R3HDM1: variants seen among roughly 807,000 people sequenced by gnomAD.
R3HDM1 encodes the protein R3H domain containing 1, also known as R3H domain-containing protein 1.
R3HDM1 carries 46 observed loss-of-function variants against 141.1 expected under a neutral mutation model. That is an observed-to-expected ratio of 0.33 (90% CI 0.26 to 0.42). R3HDM1 has a LOEUF of 0.42. R3HDM1 is among the 10% of genes least tolerant of loss of function. R3HDM1 has a pLI of 1.00. For missense variants in R3HDM1, 1,184 were observed against 1,368.3 expected (o/e 0.87, Z 2.12); for synonymous variants, 435 against 472.9 (o/e 0.92, Z 1.04).
chr2:135,686,196 A>G (rs943391384), intron 21 of R3HDM1, among the ~76,000 whole-genome samples: 3 of 152,222 alleles, frequency 2.0e-5, no homozygotes, highest in Non-Finnish European at 4.4e-5. Context: ...TGTGGAAAAA[A>G]GGGAACCCTT....
intron 6 of R3HDM1, chr2:135,621,898 G>A: frequency 1.0e-6 from 1 of 977,148 alleles, no homozygotes; most frequent in Non-Finnish European, 1.2e-6. Context: ...TTTTTATATT[G>A]ATTCATCTAA....
intron 20 of R3HDM1, among the ~76,000 whole-genome samples, chr2:135,679,066 CTT>C (rs141175748): frequency 0.097 from 6,847 of 70,516 alleles, 370 homozygotes; most frequent in African/African-American, 0.18. Flanking sequence ...GCCCGGCTTT[CTT>C]TTTTTTTTTT....
chr2:135,638,875 G>A (rs770879803), intron 13 of R3HDM1, 21 bp from the exon 14 acceptor site: 8 of 1,612,272 alleles, frequency 5.0e-6, no homozygotes, highest in African/African-American at 1.3e-5. Flanking sequence ...AGCTTTTCAA[G>A]GTTTTATTTC....
intron 1 of R3HDM1, among the ~76,000 whole-genome samples, chr2:135,563,660 A>G (rs961966417): frequency 2.0e-5 from 3 of 152,216 alleles, no homozygotes; most frequent in African/African-American, 7.2e-5. Context: ...GAATACGTTT[A>G]TAATCCTGTT....
chr2:135,585,785 A>T (rs1707770106), intron 1 of R3HDM1, among the ~76,000 whole-genome samples: 1 of 152,190 alleles, frequency 6.6e-6, no homozygotes, highest in Non-Finnish European at 1.5e-5. Context: ...TGCTATCTCC[A>T]TCTGTTGGTA....
intron 7 of R3HDM1, among the ~76,000 whole-genome samples, chr2:135,623,711 A>C (rs1019553259): frequency 5.9e-5 from 9 of 152,012 alleles, no homozygotes; most frequent in African/African-American, 2.2e-4. Context: ...TTATGAGTCT[A>C]TTGAACAGCT....
chr2:135,667,316 CTTTCCTCTGAAAGTGCTGAA>C, intron 19 of R3HDM1: 1 of 781,918 alleles, frequency 1.3e-6, no homozygotes. Flanking sequence ...ATTGATTGTG[CTTTCCTCTGAAAGTGCTGAA>C]AGAAATGGGA....
In R3HDM1 at chr2:135,621,619, C is replaced by G. The variant is rs1186926219; in HGVS notation, c.418+11C>G. Reference sequence around the variant, plus strand: ...AAATGTTATCAAGAGGTTTGCAGTTCTTTTGTTTTTTTTTAAAAAAAAATT... The same window carrying G: ...AAATGTTATCAAGAGGTTTGCAGTTGTTTTGTTTTTTTTTAAAAAAAAATT... On this transcript the variant is annotated intron_variant, in intron 6 of 26. Transcript: ENST00000683871. 3 of 1,525,328 alleles carry G rather than the reference C, an allele frequency of 2.0e-6. No individual in the cohort carries two copies. Among genetic ancestry groups the G allele is most frequent in the Non-Finnish European group, 2.6e-6 (3 of 1,146,460 alleles). 94.5% of individuals were successfully genotyped at this position (1,525,328 alleles called of 1,614,324 possible).
At chr2:135,670,440 T>G (rs554534360) in intron 19 of R3HDM1, 1 of 939,764 alleles carries the variant, frequency 1.1e-6, no homozygotes, top group Admixed American at 6.2e-5. Flanking sequence ...AAATATGTTT[T>G]GAAGAAAATT....
intron 25 of R3HDM1, 29 bp downstream of exon 25, chr2:135,722,035 T>C: frequency 6.3e-7 from 1 of 1,586,444 alleles, no homozygotes; most frequent in Non-Finnish European, 8.7e-7. Flanking sequence ...CTCCTAGGCT[T>C]TGTTGCAGAA....
At chr2:135,648,674 G>A (rs147757933) in intron 16 of R3HDM1, among the ~76,000 whole-genome samples, 139 of 150,880 alleles carry the variant, frequency 9.2e-4, no homozygotes, top group African/African-American at 2.7e-3. Flanking sequence ...GTATATTACC[G>A]TTTTTGTAAT....
chr2:135,670,927 C>T (rs760467317), intron 19 of R3HDM1, among the ~76,000 whole-genome samples: 13 of 151,672 alleles, frequency 8.6e-5, no homozygotes, highest in Non-Finnish European at 1.8e-4. Context: ...GGTGAGGTGG[C>T]GCGCACCTGC....
At chr2:135,690,175 C>T (rs2072108279) in intron 21 of R3HDM1, among the ~76,000 whole-genome samples, 1 of 151,876 alleles carries the variant, frequency 6.6e-6, no homozygotes, top group African/African-American at 2.4e-5. Flanking sequence ...CCCTTTTGTC[C>T]TACTTGTGAT....
At chr2:135,541,664 C>G (rs2104896931) in intron 1 of R3HDM1, among the ~76,000 whole-genome samples, 1 of 151,828 alleles carries the variant, frequency 6.6e-6, no homozygotes, top group South Asian at 2.1e-4. Flanking sequence ...TTTGTGGTCC[C>G]CTAAAACAAT....
intron 7 of R3HDM1, among the ~76,000 whole-genome samples, chr2:135,629,241 G>A (rs907884926): frequency 2.0e-5 from 3 of 152,124 alleles, no homozygotes; most frequent in East Asian, 2.0e-4. Flanking sequence ...GCTTGAACCC[G>A]GGAGGCAGAG....
intron 21 of R3HDM1, among the ~76,000 whole-genome samples, chr2:135,699,097 A>AGATAGATAGATAGATG (rs1357053475): frequency 1.3e-5 from 2 of 151,738 alleles, no homozygotes; most frequent in African/African-American, 2.4e-5. Context: ...ATAGATAGAT[A>AGATAGATAGATAGATG]GATAGATTAG....
chr2:135,714,792 G>C (rs62168839), intron 23 of R3HDM1, among the ~76,000 whole-genome samples: 22 of 133,708 alleles, frequency 1.6e-4, no homozygotes, highest in Admixed American at 6.0e-4. Context: ...CACACACACA[G>C]AGAAAGCAGT....
chr2:135,718,560 A>G (rs1481122479), intron 24 of R3HDM1, among the ~76,000 whole-genome samples: 3 of 152,064 alleles, frequency 2.0e-5, no homozygotes, highest in Non-Finnish European at 2.9e-5. Context: ...GTGGCTCGCT[A>G]CAGCCTTAAC....
chr2:135,559,128 CG>C, intron 1 of R3HDM1: 1 of 858,946 alleles, frequency 1.2e-6, no homozygotes, highest in Non-Finnish European at 1.4e-6. Context: ...TTGTTGTTGT[CG>C]GAGACAGGGC....
Sources: gnomAD v4.1 joint callset for allele counts (sites outside exome capture counted in the v4.1 genomes callset) on GRCh38, gnomAD v4.1.1 for gene constraint, MANE v1.5 for transcripts, NCBI Gene and HGNC (gene_info 2026-07-23, HGNC 2026-07-21) for gene names.